Variants in GPC5 observed in about 807,000 individuals in gnomAD.
The protein encoded by GPC5 is glypican-5.
A neutral mutation model predicts 53.9 loss-of-function variants in GPC5; 47 were observed. The observed-to-expected ratio is 0.87, with a 90% CI of 0.69 to 1.11. The LOEUF (loss-of-function observed/expected upper bound fraction) is 1.11, where lower values mean the gene tolerates loss of function less well. Ranked by LOEUF, GPC5 falls within the 50% of genes most tolerant of loss-of-function variation. The pLI, the probability that GPC5 is intolerant of heterozygous loss-of-function variation, is 0.00. For missense variants in GPC5, 748 were observed against 713.1 expected (o/e 1.05, Z -0.56); for synonymous variants, 286 against 263.3 (o/e 1.09, Z -0.84).
At chr13:92,553,302 T>C (rs1882383986) in intron 7 of GPC5, among the ~76,000 whole-genome samples, 1 of 151,994 alleles carries the variant, frequency 6.6e-6, no homozygotes, top group Non-Finnish European at 1.5e-5. Context: ...TTCCCAAAAC[T>C]AATTTCTGTT....
At chr13:92,685,278 A>G (rs1388483697) in intron 7 of GPC5, among the ~76,000 whole-genome samples, 3 of 151,856 alleles carry the variant, frequency 2.0e-5, no homozygotes, top group African/African-American at 7.3e-5. Flanking sequence ...TTTTTTTAGT[A>G]GAGAAGGGGT....
intron 7 of GPC5, among the ~76,000 whole-genome samples, chr13:92,531,019 A>G (rs1342529527): frequency 6.6e-6 from 1 of 152,192 alleles, no homozygotes; most frequent in Non-Finnish European, 1.5e-5. Flanking sequence ...GGTAATATAA[A>G]TACCTAAATC....
chr13:92,814,385 G>C (rs1233987788), intron 7 of GPC5, among the ~76,000 whole-genome samples: 1 of 151,928 alleles, frequency 6.6e-6, no homozygotes, highest in South Asian at 2.1e-4. Flanking sequence ...CATCGGCTGG[G>C]CATGGTGTCT....
chr13:92,018,098 AG>A (rs2040724807), intron 6 of GPC5, among the ~76,000 whole-genome samples: 1 of 152,146 alleles, frequency 6.6e-6, no homozygotes, highest in African/African-American at 2.4e-5. Context: ...TGGTATCTGG[AG>A]CAAATTCTCA....
chr13:92,338,098 A>G (rs528299101), intron 7 of GPC5, among the ~76,000 whole-genome samples: 4 of 152,250 alleles, frequency 2.6e-5, no homozygotes, highest in African/African-American at 7.2e-5. Flanking sequence ...AGAAAAATAC[A>G]TAAAACTCAA....
chr13:92,824,566 T>C (rs1185091595), intron 7 of GPC5, among the ~76,000 whole-genome samples: 1 of 152,182 alleles, frequency 6.6e-6, no homozygotes, highest in East Asian at 1.9e-4. Context: ...CAATCATTTG[T>C]GTTAAGTAGC....
At chr13:92,097,622 A>G (rs1271255428) in intron 6 of GPC5, among the ~76,000 whole-genome samples, 4 of 152,230 alleles carry the variant, frequency 2.6e-5, no homozygotes, top group African/African-American at 9.6e-5. Context: ...CCTTTGCTCT[A>G]CTGGAGAGAA....
chr13:91,567,876 G>A (rs767675817), intron 2 of GPC5, among the ~76,000 whole-genome samples: 16 of 152,098 alleles, frequency 1.1e-4, no homozygotes, highest in East Asian at 1.9e-4. Context: ...TGTAATCCCC[G>A]CATGTGGCGG....
chr13:91,814,090 G>T (rs1310688129), intron 5 of GPC5, among the ~76,000 whole-genome samples: 1 of 151,476 alleles, frequency 6.6e-6, no homozygotes, highest in South Asian at 2.1e-4. Context: ...GTGCCACCAC[G>T]CCTGGCTAAT....
At chr13:91,673,430 A>G (rs1174155585) in intron 2 of GPC5, among the ~76,000 whole-genome samples, 1 of 152,144 alleles carries the variant, frequency 6.6e-6, no homozygotes. Flanking sequence ...CGATGACATA[A>G]CAACTGGTTG....
At chr13:91,702,157 T>A (rs1221310785) in intron 3 of GPC5, among the ~76,000 whole-genome samples, 2 of 152,096 alleles carry the variant, frequency 1.3e-5, no homozygotes, top group Admixed American at 1.3e-4. Flanking sequence ...TTTATTGTTA[T>A]TGAGTGTTTG....
intron 6 of GPC5, among the ~76,000 whole-genome samples, chr13:91,964,267 A>G (rs560312012): frequency 6.6e-6 from 1 of 152,308 alleles, no homozygotes; most frequent in East Asian, 1.9e-4. Flanking sequence ...GAAAGAACAA[A>G]GCCTCCAAAG....
intron 5 of GPC5, among the ~76,000 whole-genome samples, chr13:91,907,503 T>TTA (rs369447673): frequency 0.028 from 3,685 of 129,388 alleles, 77 homozygotes; most frequent in African/African-American, 0.057. Flanking sequence ...CTCTCTCTCT[T>TTA]TATATATATA....
At chr13:92,654,478 G>A (rs1222191070) in intron 7 of GPC5, among the ~76,000 whole-genome samples, 1 of 151,750 alleles carries the variant, frequency 6.6e-6, no homozygotes, top group Non-Finnish European at 1.5e-5. Context: ...AGACTGCCTA[G>A]TGCTGATATA....
At chr13:92,804,173 T>C (rs16947911) in intron 7 of GPC5, among the ~76,000 whole-genome samples, 4,394 of 152,064 alleles carry the variant, frequency 0.029, 198 homozygotes, top group African/African-American at 0.1. Flanking sequence ...CCTGTAATAT[T>C]TAGTGCTAAG....
chr13:92,364,654 C>T lies in GPC5; in HGVS notation c.1561+219665C>T, dbSNP rs994408329. On this transcript the variant is annotated intron_variant, in intron 7 of 7. Transcript: ENST00000377067. ...CTGAGGCAGGAGAATGGCGTGAACC[C>T]GGGAGGCGGAGCTTGCAGTGAGCCT... 1.3e-4 allele frequency among the ~76,000 whole-genome samples: 20 copies of T among 151,722 alleles called. 1 individual carries two copies. Among genetic ancestry groups the T allele is most frequent in the Admixed American group, 1.0e-3 (16 of 15,274 alleles).
At chr13:92,531,075 T>C (rs1881547617) in intron 7 of GPC5, among the ~76,000 whole-genome samples, 1 of 152,188 alleles carries the variant, frequency 6.6e-6, no homozygotes, top group Non-Finnish European at 1.5e-5. Context: ...ATCAAGGCTT[T>C]CATTATGATT....
intron 2 of GPC5, among the ~76,000 whole-genome samples, chr13:91,516,169 T>C (rs1370492299): frequency 6.6e-6 from 1 of 151,998 alleles, no homozygotes; most frequent in Non-Finnish European, 1.5e-5. Flanking sequence ...TCCCCAGCAG[T>C]CCCCCAAAGT....
intron 6 of GPC5, among the ~76,000 whole-genome samples, chr13:91,969,206 A>T (rs927732887): frequency 2.0e-5 from 3 of 152,024 alleles, no homozygotes; most frequent in Non-Finnish European, 4.4e-5. Context: ...TGACCTCATG[A>T]TCCTCTTGCC....
Sources: allele counts gnomAD v4.1 joint callset (sites outside exome capture counted in the v4.1 genomes callset), GRCh38; gene constraint gnomAD v4.1.1; transcripts MANE v1.5; gene names NCBI Gene and HGNC (gene_info 2026-07-23, HGNC 2026-07-21).